Variants in PSMA8 observed in about 807,000 individuals in gnomAD.
The protein encoded by PSMA8 is proteasome subunit alpha-type 8.
A neutral mutation model predicts 32.4 loss-of-function variants in PSMA8; 18 were observed. That is an observed-to-expected ratio of 0.56 (90% CI 0.38 to 0.82). PSMA8 has a LOEUF of 0.82. PSMA8 is among the 40% of genes least tolerant of loss of function. The pLI is 0.00. For missense variants in PSMA8, 298 were observed against 300.7 expected, an observed-to-expected ratio of 0.99 and a Z score of 0.07; for synonymous variants, 104 against 98.1, an observed-to-expected ratio of 1.06 and a Z score of -0.36.
intron 4 of PSMA8, chr18:26,171,428 T>C (rs1307260576): frequency 1.0e-6 from 1 of 998,746 alleles, no homozygotes; most frequent in Non-Finnish European, 1.5e-6. Context: ...ATGAATTAAA[T>C]TTTTAAAAAA....
chr18:26,180,912 C>A (rs987328409), intron 6 of PSMA8, among the ~76,000 whole-genome samples: 1 of 152,188 alleles, frequency 6.6e-6, no homozygotes, highest in African/African-American at 2.4e-5. Context: ...TGACCTTGAG[C>A]AAATTGCTCT....
At chr18:26,157,413 C>A (rs2055098733) in intron 3 of PSMA8, among the ~76,000 whole-genome samples, 1 of 151,602 alleles carries the variant, frequency 6.6e-6, no homozygotes, top group African/African-American at 2.4e-5. Flanking sequence ...AAAAATTAGT[C>A]CTTAGCTTTC....
rs1295012423 is a variant in PSMA8, at chr18:26,137,568, G to T, written c.102+3501G>T. On this transcript the variant is annotated intron_variant, in intron 1 of 6. Coordinates refer to ENST00000415576, the MANE Select transcript of PSMA8 (RefSeq NM_001025096.2). Reference sequence around the variant, plus strand: ...GTTCACAGAAAGTACTTAACAAATTGTAGTTATTATTTACTATTCTTTGTT... The same window carrying T: ...GTTCACAGAAAGTACTTAACAAATTTTAGTTATTATTTACTATTCTTTGTT... Among the ~76,000 whole-genome samples the T allele has an allele frequency of 2.0e-5, 3 of 152,168 alleles. No homozygotes were observed. The South Asian group carries it at 6.2e-4, about 32-fold the overall frequency.
chr18:26,145,124 A>G (rs372052134), intron 2 of PSMA8, among the ~76,000 whole-genome samples: 1 of 151,696 alleles, frequency 6.6e-6, no homozygotes, highest in African/African-American at 2.4e-5. Context: ...TTTTGTTTTT[A>G]TTTTTATTTT....
chr18:26,176,598 G>C (rs1259651021), intron 4 of PSMA8, among the ~76,000 whole-genome samples: 1 of 152,068 alleles, frequency 6.6e-6, no homozygotes, highest in Non-Finnish European at 1.5e-5. Context: ...TCATGTTTAT[G>C]TCCTAAAATC....
chr18:26,148,024 G>C (rs915759538), intron 2 of PSMA8, among the ~76,000 whole-genome samples: 1 of 152,110 alleles, frequency 6.6e-6, no homozygotes, highest in African/African-American at 2.4e-5. Context: ...GACATTGAAT[G>C]AGTTATTAAA....
chr18:26,181,477 T>C (rs1211974124), intron 6 of PSMA8, among the ~76,000 whole-genome samples: 1 of 151,916 alleles, frequency 6.6e-6, no homozygotes, highest in African/African-American at 2.4e-5. Context: ...AGTGTTCAAG[T>C]GAAAGGAAGA....
intron 3 of PSMA8, among the ~76,000 whole-genome samples, chr18:26,152,545 G>C (rs2055055257): frequency 6.6e-6 from 1 of 152,028 alleles, no homozygotes; most frequent in Admixed American, 6.6e-5. Flanking sequence ...GGTTGGTCTT[G>C]AACTCCTGAG....
intron 3 of PSMA8, among the ~76,000 whole-genome samples, chr18:26,156,713 A>G (rs753888745): frequency 4.2e-4 from 63 of 148,326 alleles, no homozygotes; most frequent in Non-Finnish European, 7.4e-4. Context: ...AAATATATAT[A>G]CAATATATAT....
chr18:26,192,214 G>T, intron 6 of PSMA8, 105 bp from the exon 7 acceptor site: 2 of 990,282 alleles, frequency 2.0e-6, no homozygotes, highest in Non-Finnish European at 1.3e-6. Context: ...ATATAAAGTT[G>T]TACATAGAAA....
chr18:26,191,945 A>C (rs1306704642), intron 6 of PSMA8, among the ~76,000 whole-genome samples: 2 of 152,232 alleles, frequency 1.3e-5, no homozygotes, highest in Non-Finnish European at 2.9e-5. Flanking sequence ...AAATTATTAA[A>C]CCCTATCAGA....
intron 4 of PSMA8, among the ~76,000 whole-genome samples, chr18:26,169,547 G>T (rs1429304198): frequency 7.7e-6 from 1 of 129,516 alleles, no homozygotes; most frequent in Non-Finnish European, 1.5e-5. Context: ...TACATAAAAA[G>T]AATGAAGATG....
chr18:26,142,636 A>G (rs2054968120), intron 1 of PSMA8, among the ~76,000 whole-genome samples: 1 of 152,212 alleles, frequency 6.6e-6, no homozygotes, highest in Non-Finnish European at 1.5e-5. Flanking sequence ...TAGACAGGGC[A>G]CTTTATAAAC....
At chr18:26,185,074 C>T (rs532456587) in intron 6 of PSMA8, among the ~76,000 whole-genome samples, 28 of 121,162 alleles carry the variant, frequency 2.3e-4, no homozygotes, top group African/African-American at 8.8e-4. Flanking sequence ...GCAACAAGAG[C>T]GAAACTCCAT....
chr18:26,189,170 A>G (rs1423018930), intron 6 of PSMA8, among the ~76,000 whole-genome samples: 1 of 152,140 alleles, frequency 6.6e-6, no homozygotes, highest in African/African-American at 2.4e-5. Flanking sequence ...TGATCAAAAA[A>G]TGGGTGAAGG....
chr18:26,163,529 C>G (rs1203706482), intron 4 of PSMA8, among the ~76,000 whole-genome samples: 1 of 152,210 alleles, frequency 6.6e-6, no homozygotes, highest in South Asian at 2.1e-4. Flanking sequence ...ACAGGCTAAG[C>G]ATCTATAATC....
intron 1 of PSMA8, among the ~76,000 whole-genome samples, chr18:26,134,957 G>GAA (rs71169817): frequency 1.6e-4 from 23 of 141,312 alleles, no homozygotes; most frequent in African/African-American, 5.7e-4. Flanking sequence ...TCCGTCTCGG[G>GAA]AAAAAAAAAA....
chr18:26,192,228 T>C, intron 6 of PSMA8, 91 bp from the exon 7 acceptor site: 1 of 1,072,720 alleles, frequency 9.3e-7, no homozygotes, highest in Non-Finnish European at 1.2e-6. Flanking sequence ...ATAGAAAGTA[T>C]AAATTTATTA....
At chr18:26,160,038 A>C (rs143032464) in intron 4 of PSMA8, among the ~76,000 whole-genome samples, 6 of 152,318 alleles carry the variant, frequency 3.9e-5, no homozygotes, top group Middle Eastern at 6.8e-3. Context: ...GTGGTAGCTC[A>C]CTTCTGTAGT....
Sources: gnomAD v4.1 joint callset for allele counts (sites outside exome capture counted in the v4.1 genomes callset) on GRCh38, gnomAD v4.1.1 for gene constraint, MANE v1.5 for transcripts, NCBI Gene and HGNC (gene_info 2026-07-23, HGNC 2026-07-21) for gene names.